Variants in SMARCD1 observed in about 807,000 individuals in gnomAD.
The protein encoded by SMARCD1 is SWI/SNF-related matrix-associated actin-dependent regulator of chromatin subfamily D member 1.
SMARCD1 carries 16 observed loss-of-function variants against 70.8 expected under a neutral mutation model. That is an observed-to-expected ratio of 0.23 (90% confidence interval 0.15 to 0.34). The LOEUF (loss-of-function observed/expected upper bound fraction) is 0.34, where lower values mean the gene tolerates loss of function less well. Ranked by LOEUF, SMARCD1 falls within the 10% of genes least tolerant of loss-of-function variation. The probability of loss-of-function intolerance (pLI) is 1.00; values close to 1 mark genes in which losing one functional copy is unlikely to be tolerated. For missense variants in SMARCD1, 409 were observed against 655.5 expected, an observed-to-expected ratio of 0.62 and a Z score of 4.11; for synonymous variants, 249 against 246.0, an observed-to-expected ratio of 1.01 and a Z score of -0.11.
At chr12:50,085,936 A>G (rs985353705) in intron 1 of SMARCD1, 1 of 411,492 alleles carries the variant, frequency 2.4e-6, no homozygotes, top group African/African-American at 2.0e-5. Flanking sequence ...GATGTGTCCC[A>G]TCCAAAATAG....
chr12:50,093,775 G>T (rs1267191039), intron 9 of SMARCD1, among the ~76,000 whole-genome samples: 3 of 151,680 alleles, frequency 2.0e-5, no homozygotes, highest in African/African-American at 4.8e-5. Flanking sequence ...AGCCACCATG[G>T]CTCGCCGAAT....
chr12:50,087,891 G>T (rs1246486059), intron 5 of SMARCD1, among the ~76,000 whole-genome samples: 1 of 152,022 alleles, frequency 6.6e-6, no homozygotes, highest in South Asian at 2.1e-4. Context: ...GTTTAAGTAG[G>T]ATAGATTTCT....
rs200412227 is a variant in SMARCD1 at position 50,098,680 on chromosome 12, C to T, written c.1393-34C>T. 9 of 1,531,572 alleles carry T rather than the reference C, an allele frequency of 5.9e-6. No individual in the cohort carries two copies. In the East Asian group the frequency reaches 1.8e-4, roughly 31 times the overall value. 94.9% of individuals were successfully genotyped at this position (1,531,572 alleles called of 1,614,324 possible). On this transcript the variant is annotated intron_variant, in intron 11 of 12. Coordinates refer to ENST00000394963, the MANE Select transcript of SMARCD1 (RefSeq NM_003076.5). ...GAAGGAAACAAGCCTTTTCTCCTCT[C>T]TCTTCCTCCACCCTGCATCTCCATT...
chr12:50,099,621 T>A lies in SMARCD1; in HGVS notation c.*621T>A. The A allele has an allele frequency of 6.3e-6, 2 of 316,960 alleles. No homozygotes were observed. The highest frequency in any genetic ancestry group is 5.7e-6 in the Non-Finnish European group (1 of 174,288). The allele number at this position is 316,960 out of a possible 1,614,324, so 19.6% of individuals were successfully genotyped here. ...TGTCAGTGCTTCTCTCACTCCTTAG[T>A]TGGGGTCCACATCAGTATTGGAGTT... On this transcript the variant is annotated 3_prime_UTR_variant, in exon 13 of 13. Transcript: ENST00000394963.
At chr12:50,094,873 C>G (rs774553804) in intron 10 of SMARCD1, among the ~76,000 whole-genome samples, 2 of 152,200 alleles carry the variant, frequency 1.3e-5, no homozygotes, top group Non-Finnish European at 2.9e-5. Flanking sequence ...TCCCGCCTCA[C>G]GGCAACCTCC....
At chr12:50,092,185 T>G (rs184890751) in intron 9 of SMARCD1, among the ~76,000 whole-genome samples, 1 of 152,072 alleles carries the variant, frequency 6.6e-6, no homozygotes, top group Admixed American at 6.5e-5. Context: ...CCTTCCTTTA[T>G]TCCATATTAA....
intron 5 of SMARCD1, 27 bp downstream of exon 5, chr12:50,087,512 C>T: frequency 6.2e-7 from 1 of 1,610,964 alleles, no homozygotes; most frequent in Non-Finnish European, 8.5e-7. Flanking sequence ...CAATGGTTGG[C>T]ATCTAGGGTG....
Position 50,098,930 on chromosome 12 carries a change from C to G in SMARCD1, c.1495-17C>G. ...GGTTTGTCTCATCTTCCACTCCCTT[C>G]ACTATTTTCTCCTTAGGTGCAGCAG... is the stretch of plus-strand genomic sequence containing the variant. On this transcript the variant is annotated splice_polypyrimidine_tract_variant and intron_variant, in intron 12 of 12. Coordinates refer to ENST00000394963, the MANE Select transcript of SMARCD1 (RefSeq NM_003076.5). 1.2e-6 allele frequency: 2 copies of G among 1,613,792 alleles called. No individual in the cohort carries two copies. Among genetic ancestry groups the G allele is most frequent in the Non-Finnish European group, 1.7e-6 (2 of 1,179,650 alleles).
In SMARCD1 at chr12:50,097,925, C is replaced by T. The variant is rs56019356; in HGVS notation, c.1393-789C>T. Reference sequence around the variant, plus strand: ...AAAAAAAAAAAAAGACATTATTAGACTGACCAGGACCAATAAGATGATTCA... The same window carrying T: ...AAAAAAAAAAAAAGACATTATTAGATTGACCAGGACCAATAAGATGATTCA... On this transcript the variant is annotated intron_variant, in intron 11 of 12. Coordinates refer to ENST00000394963, the MANE Select transcript of SMARCD1 (RefSeq NM_003076.5). Among the ~76,000 whole-genome samples the T allele has an allele frequency of 6.0e-3, 896 of 148,618 alleles. 4 individuals are homozygous for T. The highest frequency in any genetic ancestry group is 0.01 in the Non-Finnish European group (681 of 67,342).
intron 6 of SMARCD1, 38 bp from the exon 7 acceptor site, chr12:50,089,846 C>A: frequency 6.7e-7 from 1 of 1,486,054 alleles, no homozygotes; most frequent in South Asian, 1.1e-5. Flanking sequence ...CCAGCTCTTC[C>A]TCTGGGAGAG....
intron 5 of SMARCD1, chr12:50,088,300 T>G (rs1004447742): frequency 2.8e-6 from 2 of 703,142 alleles, no homozygotes. Context: ...GGTAAAACAG[T>G]GACCCTCTAT....
intron 5 of SMARCD1, chr12:50,088,185 G>GCTTAT: frequency 1.4e-6 from 1 of 689,998 alleles, no homozygotes; most frequent in Non-Finnish European, 2.6e-6. Flanking sequence ...CTTATTGCCT[G>GCTTAT]TGATTCATTT....
chr12:50,090,699 C>G lies in SMARCD1; in HGVS notation c.1133+109C>G, dbSNP rs111801881. 21 of 658,794 alleles carry G rather than the reference C, an allele frequency of 3.2e-5. No individual in the cohort carries two copies. The Admixed American group carries it at 3.2e-4, about 10-fold the overall frequency. 40.8% of individuals were successfully genotyped at this position (658,794 alleles called of 1,614,324 possible). On this transcript the variant is annotated intron_variant, in intron 9 of 12. Coordinates refer to ENST00000394963, the MANE Select transcript of SMARCD1 (RefSeq NM_003076.5). ...TTTGCAAACAGGTTGTTAAACACAA[C>G]TGTTACACTGTTACTTACAATTAAA... is the stretch of plus-strand genomic sequence containing the variant.
chr12:50,094,161 T>C (rs1432784833), intron 9 of SMARCD1, among the ~76,000 whole-genome samples: 2 of 152,324 alleles, frequency 1.3e-5, no homozygotes, highest in East Asian at 3.9e-4. Context: ...TGCTTGAATT[T>C]TTACCATTGA....
intron 9 of SMARCD1, among the ~76,000 whole-genome samples, chr12:50,093,132 C>G (rs550211604): frequency 2.0e-5 from 3 of 151,602 alleles, no homozygotes; most frequent in Middle Eastern, 3.4e-3. Flanking sequence ...GCCAAGACTG[C>G]GCCACTGCAC....
At chr12:50,095,300 C>T (rs1338081949) in intron 10 of SMARCD1, among the ~76,000 whole-genome samples, 1 of 151,826 alleles carries the variant, frequency 6.6e-6, no homozygotes, top group African/African-American at 2.4e-5. Context: ...GGAGGCTTTG[C>T]TGGAAGAGTT....
chr12:50,086,367 AGAGGGAGG>A lies in SMARCD1; in HGVS notation c.365+31_365+38del. ...ACCACAAGTAAGATGATCCTGGGGC[AGAGGGAGG>A]GAGGGAGGGAGCCTGGGAGGACACA... On this transcript the variant is annotated intron_variant, in intron 2 of 12. Transcript: ENST00000394963. The A allele has an allele frequency of 4.9e-5, 35 of 709,494 alleles. No homozygotes were observed. The highest frequency in any genetic ancestry group is 7.7e-5 in the Non-Finnish European group (31 of 404,502). The allele number at this position is 709,494 out of a possible 1,614,324, so 43.9% of individuals were successfully genotyped here.
At position 50,090,190 on chromosome 12, in the gene SMARCD1, C is replaced by T. The variant is rs751474749; in HGVS notation, c.874-51C>T. 1.2e-5 allele frequency: 19 copies of T among 1,528,868 alleles called. No homozygotes were observed. In the Admixed American group the frequency reaches 3.6e-4, roughly 29 times the overall value. The allele number at this position is 1,528,868 out of a possible 1,614,324, so 94.7% of individuals were successfully genotyped here. On this transcript the variant is annotated intron_variant, in intron 7 of 12. Coordinates refer to ENST00000394963, the MANE Select transcript of SMARCD1 (RefSeq NM_003076.5). ...GTTGAATAGCTTGAATGTATTGCTG[C>T]ATATAGACGCAGCTAACTAGCTTCA...
At chr12:50,094,741 T>G (rs770173749) in intron 10 of SMARCD1, among the ~76,000 whole-genome samples, 169 bp downstream of exon 10, 5 of 152,222 alleles carry the variant, frequency 3.3e-5, no homozygotes, top group African/African-American at 1.2e-4. Context: ...ATTGTGGGGA[T>G]ACTCTCAACA....
Sources: gnomAD v4.1 joint callset for allele counts (sites outside exome capture counted in the v4.1 genomes callset) on GRCh38, gnomAD v4.1.1 for gene constraint, MANE v1.5 for transcripts, NCBI Gene and HGNC (gene_info 2026-07-23, HGNC 2026-07-21) for gene names.